STAT5B: variants seen among roughly 807,000 people sequenced by gnomAD.
The protein encoded by STAT5B is signal transducer and activator of transcription 5B, also known as transcription factor STAT5B.
A neutral mutation model predicts 107.8 loss-of-function variants in STAT5B; 21 were observed. That is an observed-to-expected ratio of 0.19 (90% CI 0.14 to 0.28). The LOEUF is 0.28. Among genes scored for constraint, STAT5B ranks in the 10% least tolerant of loss-of-function variants. The pLI, the probability that STAT5B is intolerant of heterozygous loss-of-function variation, is 1.00. For synonymous variants in STAT5B, 325 were observed against 401.7 expected (o/e 0.81, Z 2.28); for missense variants, 565 against 1,008.2 (o/e 0.56, Z 5.95).
intron 1 of STAT5B, among the ~76,000 whole-genome samples, chr17:42,259,416 C>A (rs2080574859): frequency 6.6e-6 from 1 of 152,088 alleles, no homozygotes; most frequent in African/African-American, 2.4e-5. Context: ...CAAGAGGGTG[C>A]ATCTGTGGGT....
At chr17:42,213,961 G>A (rs1344023360) in intron 12 of STAT5B, among the ~76,000 whole-genome samples, 1 of 151,362 alleles carries the variant, frequency 6.6e-6, no homozygotes, top group Non-Finnish European at 1.5e-5. Context: ...GGCCAACATG[G>A]TGAGACCTGG....
chr17:42,202,961 T>C, intron 16 of STAT5B, 153 bp from the exon 17 acceptor site: 7 of 1,034,236 alleles, frequency 6.8e-6, no homozygotes, highest in Non-Finnish European at 7.3e-6. Flanking sequence ...GTTTTGTTTT[T>C]TGAAACAGTC....
At chr17:42,243,914 ATAATGG>A (rs2080427505) in intron 1 of STAT5B, among the ~76,000 whole-genome samples, 1 of 151,478 alleles carries the variant, frequency 6.6e-6, no homozygotes, top group Non-Finnish European at 1.5e-5. Flanking sequence ...ATCCATGGAG[ATAATGG>A]ATTTGCGATC....
chr17:42,286,669 G>A, the STAT5B span, among the ~76,000 whole-genome samples: 1 of 152,172 alleles, frequency 6.6e-6, no homozygotes, highest in Non-Finnish European at 1.5e-5. Context: ...GCATGGCAAG[G>A]GTGGCCCTCT....
chr17:42,280,686 C>T (rs967957866), upstream of STAT5B, among the ~76,000 whole-genome samples: 3 of 152,128 alleles, frequency 2.0e-5, no homozygotes, highest in South Asian at 2.1e-4. Context: ...GAAAAGAAGG[C>T]GGGGATGCCA....
chr17:42,286,947 C>T, the STAT5B span, among the ~76,000 whole-genome samples: 1 of 152,170 alleles, frequency 6.6e-6, no homozygotes, highest in Non-Finnish European at 1.5e-5. Flanking sequence ...CCAGTTGACC[C>T]CCTAGCTCTG....
chr17:42,236,588 C>A (rs1164761829), intron 1 of STAT5B, among the ~76,000 whole-genome samples: 1 of 152,176 alleles, frequency 6.6e-6, no homozygotes. Context: ...ACTACAGGCA[C>A]TCACCACCAC....
chr17:42,231,968 A>G (rs763548862), intron 2 of STAT5B, 32 bp downstream of exon 2: 2 of 1,613,160 alleles, frequency 1.2e-6, no homozygotes, highest in East Asian at 4.5e-5. Context: ...TGTGTTTCAC[A>G]AAATATGATG....
intron 2 of STAT5B, among the ~76,000 whole-genome samples, chr17:42,229,558 T>C (rs1269039801): frequency 6.6e-6 from 1 of 151,904 alleles, no homozygotes; most frequent in East Asian, 1.9e-4. Context: ...AAAGACTTGC[T>C]TAGATGGCTT....
chr17:42,209,921 T>C (rs1024630678), intron 15 of STAT5B, among the ~76,000 whole-genome samples: 2 of 152,252 alleles, frequency 1.3e-5, no homozygotes, highest in African/African-American at 4.8e-5. Flanking sequence ...TAGGTAGCCA[T>C]GTCATGGTTA....
chr17:42,207,601 T>C lies in STAT5B; in HGVS notation c.2034A>G (p.Val678=), dbSNP rs1407585914. The change falls in exon 16 of 19, where the codon GTA becomes GTG. Residue 678 remains valine (V), a synonymous_variant. Transcript: ENST00000293328. ...GAACTGGTGTGTAGTATTTGGAGTA[T>C]ACTTCATCTTTTGGCCGATCAGGAA... The part of the protein sequence containing the change: ...YVFPDRPKDE[V]YSKYYTPVPC... The C allele has an allele frequency of 2.5e-6, 4 of 1,613,924 alleles. No homozygotes were observed. The highest frequency in any genetic ancestry group is 1.3e-5 in the African/African-American group (1 of 74,870).
chr17:42,273,568 T>C (rs540200014), intron 1 of STAT5B, among the ~76,000 whole-genome samples: 24 of 152,194 alleles, frequency 1.6e-4, no homozygotes, highest in Non-Finnish European at 3.2e-4. Context: ...GGAAAAAATG[T>C]GTCACAGATA....
At chr17:42,261,239 T>C (rs1351368193) in intron 1 of STAT5B, among the ~76,000 whole-genome samples, 1 of 152,006 alleles carries the variant, frequency 6.6e-6, no homozygotes, top group Non-Finnish European at 1.5e-5. Flanking sequence ...AACGAGATTA[T>C]CATGTTTTTA....
chr17:42,238,684 C>A (rs891464279), intron 1 of STAT5B, among the ~76,000 whole-genome samples: 7 of 151,198 alleles, frequency 4.6e-5, no homozygotes, highest in African/African-American at 1.7e-4. Flanking sequence ...AACTTCTGAC[C>A]TTGTGATCCA....
At chr17:42,278,046 G>A (rs545803097), upstream of STAT5B, among the ~76,000 whole-genome samples, 231 of 152,086 alleles carry the variant, frequency 1.5e-3, no homozygotes, top group Non-Finnish European at 2.6e-3. Flanking sequence ...ATCAGCCACC[G>A]CACCTGACTC....
At chr17:42,238,126 CCA>C (rs2080371639) in intron 1 of STAT5B, among the ~76,000 whole-genome samples, 1 of 151,458 alleles carries the variant, frequency 6.6e-6, no homozygotes, top group Non-Finnish European at 1.5e-5. Context: ...ATCCATCCAT[CCA>C]TCCATCCATC....
chr17:42,280,977 A>T (rs976306405), upstream of STAT5B, among the ~76,000 whole-genome samples: 2 of 151,896 alleles, frequency 1.3e-5, no homozygotes. Context: ...TACTAAAAAT[A>T]CCAAAAATTA....
chr17:42,222,687 T>C (rs370344375), intron 5 of STAT5B, among the ~76,000 whole-genome samples: 2 of 151,688 alleles, frequency 1.3e-5, no homozygotes, highest in East Asian at 3.9e-4. Context: ...AGAATTTTTT[T>C]TTTTTTTTTT....
At chr17:42,237,725 A>C (rs1032787815) in intron 1 of STAT5B, among the ~76,000 whole-genome samples, 2 of 152,180 alleles carry the variant, frequency 1.3e-5, no homozygotes, top group African/African-American at 4.8e-5. Context: ...AAAGTCTCTA[A>C]ACTGGGGTTA....
Sources: allele counts gnomAD v4.1 joint callset (sites outside exome capture counted in the v4.1 genomes callset), GRCh38; gene constraint gnomAD v4.1.1; transcripts MANE v1.5; gene names NCBI Gene and HGNC (gene_info 2026-07-23, HGNC 2026-07-21).